TPP2: variants seen among roughly 807,000 people sequenced by gnomAD.
TPP2 encodes the protein tripeptidyl-peptidase 2.
A neutral mutation model predicts 155.9 loss-of-function variants in TPP2; 34 were observed. The observed-to-expected ratio is 0.22, with a 90% CI of 0.17 to 0.29. The LOEUF (loss-of-function observed/expected upper bound fraction) is 0.29, where lower values mean the gene tolerates loss of function less well. Ranked by LOEUF, TPP2 falls within the 10% of genes least tolerant of loss-of-function variation. The probability of loss-of-function intolerance (pLI) is 1.00; values close to 1 mark genes in which losing one functional copy is unlikely to be tolerated. For synonymous variants in TPP2, 510 were observed against 529.4 expected, an observed-to-expected ratio of 0.96 and a Z score of 0.50; for missense variants, 1,028 against 1,522.3, an observed-to-expected ratio of 0.68 and a Z score of 5.40.
At chr13:102,645,451 G>C (rs1883039280) in intron 19 of TPP2, among the ~76,000 whole-genome samples, 1 of 152,180 alleles carries the variant, frequency 6.6e-6, no homozygotes, top group African/African-American at 2.4e-5. Flanking sequence ...ACCTTGACCT[G>C]TGTTCACATA....
chr13:102,601,000 C>T (rs1879390860), intron 1 of TPP2, among the ~76,000 whole-genome samples: 1 of 152,094 alleles, frequency 6.6e-6, no homozygotes, highest in Admixed American at 6.6e-5. Flanking sequence ...AAGCAAGCCT[C>T]CTGCCTCAGC....
At chr13:102,656,284 T>G (rs1883853056) in intron 24 of TPP2, among the ~76,000 whole-genome samples, 1 of 152,180 alleles carries the variant, frequency 6.6e-6, no homozygotes, top group Admixed American at 6.5e-5. Flanking sequence ...ATATATAGTA[T>G]TTTTTCTTTT....
chr13:102,637,696 G>A (rs1045274636), intron 14 of TPP2, among the ~76,000 whole-genome samples: 6 of 152,076 alleles, frequency 3.9e-5, no homozygotes, highest in African/African-American at 1.2e-4. Flanking sequence ...GACTAGTGGC[G>A]TGCACCACCA....
At chr13:102,619,675 C>T (rs1881013311) in intron 5 of TPP2, among the ~76,000 whole-genome samples, 1 of 151,770 alleles carries the variant, frequency 6.6e-6, no homozygotes, top group Non-Finnish European at 1.5e-5. Context: ...AAGGTGTATG[C>T]AATGTTAAGT....
chr13:102,670,389 A>G (rs1365241793), intron 27 of TPP2, among the ~76,000 whole-genome samples: 1 of 152,230 alleles, frequency 6.6e-6, no homozygotes, highest in East Asian at 1.9e-4. Flanking sequence ...AACTGATTGC[A>G]TCATCTGCGG....
chr13:102,603,344 T>C (rs1337389600), intron 1 of TPP2, among the ~76,000 whole-genome samples: 1 of 152,178 alleles, frequency 6.6e-6, no homozygotes, highest in East Asian at 1.9e-4. Context: ...TCATTAGAAA[T>C]AGAATTATGT....
At chr13:102,646,942 TA>T (rs1339064543) in intron 20 of TPP2, among the ~76,000 whole-genome samples, 1 of 152,234 alleles carries the variant, frequency 6.6e-6, no homozygotes, top group Non-Finnish European at 1.5e-5. Flanking sequence ...TTCAGTTTTA[TA>T]AAGTAATTAG....
chr13:102,672,250 TTTAGTACAGAA>T (rs1279459786), intron 27 of TPP2, among the ~76,000 whole-genome samples: 1 of 152,130 alleles, frequency 6.6e-6, no homozygotes, highest in Non-Finnish European at 1.5e-5. Context: ...CTCGCATTTA[TTTAGTACAGAA>T]TTAATGACAA....
At chr13:102,632,555 A>C (rs1229998161) in intron 10 of TPP2, among the ~76,000 whole-genome samples, 3 of 152,164 alleles carry the variant, frequency 2.0e-5, no homozygotes, top group Non-Finnish European at 4.4e-5. Context: ...TCATTTTTAG[A>C]ATACTGATTT....
chr13:102,673,305 C>T (rs1566376843), intron 27 of TPP2, among the ~76,000 whole-genome samples: 1 of 152,202 alleles, frequency 6.6e-6, no homozygotes, highest in Non-Finnish European at 1.5e-5. Context: ...TCACATGCTA[C>T]ACATTTCACT....
At chr13:102,616,578 T>G (rs1009826120) in intron 4 of TPP2, 78 bp downstream of exon 4, 4 of 1,181,404 alleles carry the variant, frequency 3.4e-6, no homozygotes, top group Non-Finnish European at 4.6e-6. Context: ...TAATAGACTG[T>G]TTTTCCACAA....
intron 7 of TPP2, 73 bp downstream of exon 7, chr13:102,627,239 C>T: frequency 2.8e-6 from 4 of 1,413,906 alleles, no homozygotes; most frequent in Middle Eastern, 2.1e-4. Flanking sequence ...TTTATAAGTG[C>T]TCCTAGTTTA....
rs183362487 is a variant in TPP2, at chr13:102,611,674, A to G, written c.295-2427A>G. Among the ~76,000 whole-genome samples the G allele has an allele frequency of 3.2e-3, 492 of 152,308 alleles. 1 individual carries two copies. The highest frequency in any genetic ancestry group is 5.9e-3 in the Non-Finnish European group (403 of 68,022). On this transcript the variant is annotated intron_variant, in intron 2 of 29. Transcript: ENST00000376052. ...ACTCCTTCTCAAAAAAATAAAAAAA[A>G]GACATTTCCACTAGCAGTGTATAAC...
At position 102,622,948 on chromosome 13, in the gene TPP2, A is replaced by G. The variant is rs537110492; in HGVS notation, c.692A>G (p.Gln231Arg). The G allele has an allele frequency of 3.5e-5, 57 of 1,614,082 alleles. No homozygotes were observed. Among genetic ancestry groups the G allele is most frequent in the Non-Finnish European group, 4.5e-5 (53 of 1,180,034 alleles). Residue 231 changes from glutamine to arginine, a missense_variant, in exon 6 of 30, where the codon CAA (glutamine) becomes CGA (arginine). Transcript: ENST00000376052. ...GTGTTGAGAAACTACAAAGAAGCCC[A>G]AGAATATGGCTCTTTTGGCACAGCT... ...STVLRNYKEA[Q>R]EYGSFGTAEM...
chr13:102,636,967 G>A (rs563658715), intron 13 of TPP2, 115 bp from the exon 14 acceptor site: 11 of 951,042 alleles, frequency 1.2e-5, no homozygotes, highest in African/African-American at 1.0e-4. Context: ...TGTTTTGGAT[G>A]CATTTTACAG....
intron 6 of TPP2, among the ~76,000 whole-genome samples, chr13:102,624,768 C>A (rs769545447): frequency 1.3e-5 from 2 of 150,426 alleles, no homozygotes; most frequent in South Asian, 2.1e-4. Flanking sequence ...TGGTATCTGT[C>A]GACATATATT....
intron 15 of TPP2, 79 bp downstream of exon 15, chr13:102,638,394 T>C (rs1297054463): frequency 7.1e-7 from 1 of 1,414,826 alleles, no homozygotes; most frequent in African/African-American, 1.4e-5. Flanking sequence ...GGACTTTTAA[T>C]GATCACTAAT....
chr13:102,669,248 C>G (rs1884811550), intron 27 of TPP2, among the ~76,000 whole-genome samples: 1 of 152,078 alleles, frequency 6.6e-6, no homozygotes, highest in South Asian at 2.1e-4. Flanking sequence ...CTCATATTCA[C>G]TTTTTTGTTG....
At position 102,615,594 on chromosome 13, in the gene TPP2, C is replaced by A. The variant is rs552788048; in HGVS notation, c.391-802C>A. 2.6e-5 allele frequency among the ~76,000 whole-genome samples: 4 copies of A among 152,064 alleles called. No homozygotes were observed. In the East Asian group the frequency reaches 5.8e-4, roughly 22 times the overall value. On this transcript the variant is annotated intron_variant, in intron 3 of 29. Coordinates refer to ENST00000376052, the MANE Select transcript of TPP2 (RefSeq NM_001330588.2). ...AGACACTGAAGATAAAGGTTAAAAC[C>A]AATTTCAGTGACATAGAACCCTATC...
Sources: allele counts gnomAD v4.1 joint callset (sites outside exome capture counted in the v4.1 genomes callset), GRCh38; gene constraint gnomAD v4.1.1; transcripts MANE v1.5; gene names NCBI Gene and HGNC (gene_info 2026-07-23, HGNC 2026-07-21).